The following FAM47E variants were observed in gnomAD, a reference collection of about 807,000 sequenced individuals.
The protein encoded by FAM47E is family with sequence similarity 47 member E, also known as protein FAM47E.
In FAM47E, 32 loss-of-function variants were observed where a neutral mutation model predicts 41.6. That is an observed-to-expected ratio of 0.77 (90% confidence interval 0.58 to 1.03). The LOEUF is 1.03. Ranked by LOEUF, FAM47E falls within the 50% of genes least tolerant of loss-of-function variation. The pLI is 0.00. For missense variants in FAM47E, 424 were observed against 485.4 expected, an observed-to-expected ratio of 0.87 and a Z score of 1.19; for synonymous variants, 184 against 188.7, an observed-to-expected ratio of 0.98 and a Z score of 0.20.
chr4:76,261,505 A>G (rs1734416440), intron 2 of FAM47E, among the ~76,000 whole-genome samples: 1 of 152,240 alleles, frequency 6.6e-6, no homozygotes, highest in Admixed American at 6.5e-5. Context: ...AAAAGAATGA[A>G]GTCATGTCTA....
chr4:76,223,407 G>C (rs1733342716), intron 2 of FAM47E, among the ~76,000 whole-genome samples: 3 of 152,168 alleles, frequency 2.0e-5, no homozygotes, highest in Admixed American at 2.0e-4. Context: ...GTCTAACTTT[G>C]AGAATTCATC....
chr4:76,254,761 A>G (rs1471871827), intron 1 of FAM47E, among the ~76,000 whole-genome samples: 1 of 152,194 alleles, frequency 6.6e-6, no homozygotes, highest in East Asian at 1.9e-4. Context: ...CTCTAGAATT[A>G]CCTAACTAAG....
Position 76,263,654 on chromosome 4 carries a change from C to G in FAM47E, c.421-50C>G, listed in dbSNP as rs779689574. ...CTGTTTTGTTGTAGAATGGGGACTC[C>G]CTTCTTCAGCATGTTTTTCTTTTCC... On this transcript the variant is annotated intron_variant, in intron 2 of 7. Coordinates refer to ENST00000424749, the MANE Select transcript of FAM47E (RefSeq NM_001136570.3). 85 of 1,536,740 alleles carry G rather than the reference C, an allele frequency of 5.5e-5. 1 individual carries two copies. The South Asian group carries it at 9.1e-4, about 16-fold the overall frequency.
chr4:76,216,910 G>A (rs1375344213), intron 1 of FAM47E, among the ~76,000 whole-genome samples: 3 of 152,248 alleles, frequency 2.0e-5, no homozygotes, highest in Non-Finnish European at 4.4e-5. Flanking sequence ...TGATCCCACA[G>A]TAATCTCTGT....
chr4:76,283,535 A>T lies in FAM47E; in HGVS notation c.*77A>T. On this transcript the variant is annotated 3_prime_UTR_variant, in exon 8 of 8. Coordinates refer to ENST00000424749, the MANE Select transcript of FAM47E (RefSeq NM_001136570.3). ...TTTCTCTGTCTCCTTTTAAAGATTA[A>T]ACAGAGTTTATGATGAGTGTCCCAC... is the stretch of plus-strand genomic sequence containing the variant. 1 of 917,738 alleles carries T rather than the reference A, an allele frequency of 1.1e-6. No homozygotes were observed. Among genetic ancestry groups the T allele is most frequent in the Non-Finnish European group, 1.7e-6 (1 of 583,150 alleles). 56.8% of individuals were successfully genotyped at this position (917,738 alleles called of 1,614,324 possible). A position where few individuals can be genotyped will look rare whatever the true frequency, so the allele number is the denominator to read the frequency against.
chr4:76,276,037 G>GACAC (rs796893693), intron 5 of FAM47E, among the ~76,000 whole-genome samples: 12,342 of 62,144 alleles, frequency 0.2, 858 homozygotes, highest in East Asian at 0.48. Context: ...CAGACAGACA[G>GACAC]ACACACACAC....
intron 2 of FAM47E, among the ~76,000 whole-genome samples, chr4:76,218,017 TTAAATA>T (rs890451092): frequency 6.6e-6 from 1 of 152,230 alleles, no homozygotes; most frequent in Non-Finnish European, 1.5e-5. Context: ...TGTTAATGTG[TTAAATA>T]TAAACATTTA....
chr4:76,214,296 C>T, exon 1 of FAM47E: 1 of 456,182 alleles, frequency 2.2e-6, no homozygotes, highest in Non-Finnish European at 4.4e-6. Context: ...CATGTTCTGC[C>T]TGGATGACCT....
intron 5 of FAM47E, among the ~76,000 whole-genome samples, chr4:76,276,355 C>CTTTTTGTTTTT (rs372327970): frequency 4.2e-4 from 41 of 97,870 alleles, no homozygotes; most frequent in South Asian, 1.1e-3. Context: ...GAGGGGGTTA[C>CTTTTTGTTTTT]TTTTTTTTGT....
At chr4:76,224,856 G>C (rs1418929526) in intron 2 of FAM47E, among the ~76,000 whole-genome samples, 3 of 152,026 alleles carry the variant, frequency 2.0e-5, no homozygotes, top group Admixed American at 2.0e-4. Context: ...CATCACCCAA[G>C]CAGTAAACAC....
upstream of FAM47E, among the ~76,000 whole-genome samples, chr4:76,250,503 G>C (rs1156491746): frequency 6.6e-6 from 1 of 152,054 alleles, no homozygotes; most frequent in African/African-American, 2.4e-5. Context: ...TTCCCACTCT[G>C]TGGGCTGTTT....
chr4:76,216,109 A>G lies in FAM47E; in HGVS notation c.-29-1470A>G, dbSNP rs569110214. Among the ~76,000 whole-genome samples, 5 of 152,298 alleles carry G rather than the reference A, an allele frequency of 3.3e-5. No homozygotes were observed. In the South Asian group the frequency reaches 1.0e-3, roughly 32 times the overall value. ...CCAGCCTGATGGGTGGGTGGTCTCC[A>G]GTCCTCAGGTGTCCACAATCGGCAG... On this transcript the variant is annotated intron_variant, in intron 1 of 7. Coordinates refer to the FAM47E transcript ENST00000510197.
rs1179998516 is a variant in FAM47E at position 76,220,174 on chromosome 4, T to C, written c.81+2486T>C. Among the ~76,000 whole-genome samples the C allele has an allele frequency of 2.6e-5, 4 of 152,118 alleles. No individual in the cohort carries two copies. The East Asian group carries it at 7.7e-4, about 29-fold the overall frequency. On this transcript the variant is annotated intron_variant, in intron 2 of 7. Coordinates refer to the FAM47E transcript ENST00000510197. ...CTTCCTAGGTATATAACCCCCAAAA[T>C]TGAAGACAGGTACTCAAACAAATAC...
intron 2 of FAM47E, among the ~76,000 whole-genome samples, chr4:76,259,327 G>A (rs1488921749): frequency 3.9e-5 from 6 of 152,064 alleles, no homozygotes; most frequent in African/African-American, 7.2e-5. Context: ...AACTACTCTT[G>A]GTTAAAGATT....
rs150527645 is a variant in FAM47E, at chr4:76,265,403, G to A, written c.560+1560G>A. Reference sequence around the variant, plus strand: ...TAAAGCCATGTCGTCTATCATGGCTGCTGTTATCAGTGAAGGGGATATTTT... The same window carrying A: ...TAAAGCCATGTCGTCTATCATGGCTACTGTTATCAGTGAAGGGGATATTTT... On this transcript the variant is annotated intron_variant, in intron 3 of 7. Transcript: ENST00000424749. Among the ~76,000 whole-genome samples the A allele has an allele frequency of 2.3e-3, 345 of 152,332 alleles. 1 individual carries two copies. Among genetic ancestry groups the A allele is most frequent in the Middle Eastern group, 0.014 (4 of 294 alleles).
upstream of FAM47E, chr4:76,251,597 A>AG: frequency 7.6e-7 from 1 of 1,308,926 alleles, no homozygotes; most frequent in Admixed American, 4.1e-5. Flanking sequence ...GCGTCGGAGA[A>AG]GGGGTTGGAC....
intron 1 of FAM47E, among the ~76,000 whole-genome samples, chr4:76,252,028 CA>C (rs1361940256): frequency 6.6e-6 from 1 of 152,196 alleles, no homozygotes; most frequent in Non-Finnish European, 1.5e-5. Context: ...GTCATCCTCA[CA>C]ACCCCCGCCT....
In FAM47E at chr4:76,215,411, G is replaced by A. The variant is rs909080195; in HGVS notation, c.-30+987G>A. On this transcript the variant is annotated intron_variant, in intron 1 of 7. Transcript: ENST00000510197. ...TCTACTCTGCGCATTGCTGCATCCC[G>A]ATCTGTCACTAATGAGAATCTGAGG... is the stretch of plus-strand genomic sequence containing the variant. Among the ~76,000 whole-genome samples, 5 of 152,140 alleles carry A rather than the reference G, an allele frequency of 3.3e-5. No individual in the cohort carries two copies. In the South Asian group the frequency reaches 8.3e-4, roughly 25 times the overall value.
rs12506229 is a variant in FAM47E, at chr4:76,229,685, A to T, written c.81+11997A>T. On this transcript the variant is annotated intron_variant, in intron 2 of 7. Coordinates refer to the FAM47E transcript ENST00000510197. Reference sequence around the variant, plus strand: ...AGAAATACCTGATTCCTGTGATGTGATCCATCTTCAGGTTTCCCAGCTGTG... The same window carrying T: ...AGAAATACCTGATTCCTGTGATGTGTTCCATCTTCAGGTTTCCCAGCTGTG... 3.3e-3 allele frequency among the ~76,000 whole-genome samples: 501 copies of T among 152,196 alleles called. 8 individuals carry two copies. Among genetic ancestry groups the T allele is most frequent in the African/African-American group, 0.012 (486 of 41,526 alleles).
Sources: gnomAD v4.1 joint callset for allele counts (sites outside exome capture counted in the v4.1 genomes callset) on GRCh38, gnomAD v4.1.1 for gene constraint, MANE v1.5 for transcripts, NCBI Gene and HGNC (gene_info 2026-07-23, HGNC 2026-07-21) for gene names.